The following TMEM170A variants were observed in gnomAD, a reference collection of about 807,000 sequenced individuals.
TMEM170A encodes the protein transmembrane protein 170.
In TMEM170A, 18 loss-of-function variants were observed where a neutral mutation model predicts 12.8. The ratio of observed to expected loss-of-function variants is 1.41; its 90% confidence interval spans 0.97 to 2.09. TMEM170A has a LOEUF of 2.09. Ranked by LOEUF, TMEM170A falls within the 30% of genes most tolerant of loss-of-function variation. TMEM170A has a pLI of 0.00. For synonymous variants in TMEM170A, 107 were observed against 76.2 expected, an observed-to-expected ratio of 1.40 and a Z score of -2.11; for missense variants, 220 against 179.9, an observed-to-expected ratio of 1.22 and a Z score of -1.28.
intron 2 of TMEM170A, among the ~76,000 whole-genome samples, chr16:75,448,167 T>A (rs1485118751): frequency 6.6e-6 from 1 of 152,108 alleles, no homozygotes; most frequent in Non-Finnish European, 1.5e-5. Context: ...TCTATCACAC[T>A]CATAGTTCCC....
Position 75,447,262 on chromosome 16 carries a change from C to G in TMEM170A, c.*296G>C, listed in dbSNP as rs545842057. The stretch of plus-strand genomic sequence containing the variant: ...AAATTTCAGTGCAAAGGATGCCACC[C>G]CAGAGACACTGTTGACTTGGCTTGG... On this transcript the variant is annotated 3_prime_UTR_variant, in exon 3 of 3. Transcript: ENST00000561878. 1 of 209,290 alleles carries G rather than the reference C, an allele frequency of 4.8e-6. No homozygotes were observed. The highest frequency in any genetic ancestry group is 2.3e-5 in the African/African-American group (1 of 43,804). 13.0% of individuals were successfully genotyped at this position (209,290 alleles called of 1,614,324 possible). A position where few individuals can be genotyped will look rare whatever the true frequency, so the allele number is the denominator to read the frequency against.
chr16:75,450,724 G>T (rs773201707), intron 2 of TMEM170A, among the ~76,000 whole-genome samples: 1 of 151,998 alleles, frequency 6.6e-6, no homozygotes, highest in Non-Finnish European at 1.5e-5. Context: ...GTGTGATCAC[G>T]ACTCACTGCA....
At chr16:75,459,208 T>A (rs1470182862) in intron 1 of TMEM170A, among the ~76,000 whole-genome samples, 2 of 152,178 alleles carry the variant, frequency 1.3e-5, no homozygotes, top group Admixed American at 1.3e-4. Flanking sequence ...CAGACATATC[T>A]TTAAGATACA....
intron 1 of TMEM170A, among the ~76,000 whole-genome samples, chr16:75,454,611 G>A (rs1386321526): frequency 6.6e-6 from 1 of 152,008 alleles, no homozygotes; most frequent in African/African-American, 2.4e-5. Context: ...CTCCAGCCTG[G>A]GAGACAGAAT....
chr16:75,464,618 CAG>C lies in TMEM170A; in HGVS notation c.-20_-19del. On this transcript the variant is annotated 5_prime_UTR_variant, in exon 1 of 3. Coordinates refer to ENST00000561878, the MANE Select transcript of TMEM170A (RefSeq NM_145254.3). Reference sequence around the variant, plus strand: ...CGCTCCATCCCGTCGCCATTCACCACAGAGAAATGAGGGACGAGCGCCCGAAG... The same window carrying C: ...CGCTCCATCCCGTCGCCATTCACCACAGAAATGAGGGACGAGCGCCCGAAG... 1.3e-6 allele frequency: 2 copies of C among 1,573,564 alleles called. No individual in the cohort carries two copies. Among genetic ancestry groups the C allele is most frequent in the South Asian group, 1.1e-5 (1 of 87,134 alleles).
At position 75,445,167 on chromosome 16, in the gene TMEM170A, A is replaced by G. The variant is rs2079562414; in HGVS notation, c.*2391T>C. The G allele has an allele frequency of 6.6e-6, 1 of 152,192 alleles. No individual in the cohort carries two copies. The allele number at this position is 152,192 out of a possible 1,614,324, so 9.4% of individuals were successfully genotyped here. A position where few individuals can be genotyped will look rare whatever the true frequency, so the allele number is the denominator to read the frequency against. Reference sequence around the variant, plus strand: ...AAAATCACAGCTCTTTAAACAAAAAACTAGAATTTTTACAATTTGCCTGTG... The same window carrying G: ...AAAATCACAGCTCTTTAAACAAAAAGCTAGAATTTTTACAATTTGCCTGTG... On this transcript the variant is annotated 3_prime_UTR_variant, in exon 3 of 3. Transcript: ENST00000561878.
intron 1 of TMEM170A, among the ~76,000 whole-genome samples, chr16:75,462,032 G>T (rs1319705855): frequency 6.6e-6 from 1 of 152,138 alleles, no homozygotes; most frequent in Admixed American, 6.5e-5. Context: ...CCCTACATAT[G>T]ACGTTTAATT....
intron 1 of TMEM170A, among the ~76,000 whole-genome samples, chr16:75,457,125 G>A (rs574546324): frequency 5.1e-4 from 78 of 152,186 alleles, no homozygotes; most frequent in Non-Finnish European, 1.1e-3. Context: ...GATCAGCCCT[G>A]GGTCCCTGCT....
At chr16:75,457,029 C>T (rs1289538533) in intron 1 of TMEM170A, among the ~76,000 whole-genome samples, 1 of 152,230 alleles carries the variant, frequency 6.6e-6, no homozygotes, top group Admixed American at 6.5e-5. Flanking sequence ...ATTCACTGGT[C>T]CAAAGTGGAC....
Position 75,464,639 on chromosome 16 carries a change from C to T in TMEM170A, c.-39G>A, listed in dbSNP as rs570975426. ...ACCACAGAGAAATGAGGGACGAGCG[C>T]CCGAAGTGCGGTAGCGGCCGGCGCC... On this transcript the variant is annotated 5_prime_UTR_variant, in exon 1 of 3. Transcript: ENST00000561878. 1.1e-5 allele frequency: 17 copies of T among 1,552,944 alleles called. No homozygotes were observed. Among genetic ancestry groups the T allele is most frequent in the East Asian group, 7.9e-5 (3 of 37,752 alleles).
At chr16:75,453,146 G>A (rs764569654) in intron 1 of TMEM170A, among the ~76,000 whole-genome samples, 4 of 152,002 alleles carry the variant, frequency 2.6e-5, no homozygotes, top group African/African-American at 4.8e-5. Context: ...TAATGTCCCC[G>A]ACCATAACTG....
chr16:75,443,112 TAAG>T lies in TMEM170A; in HGVS notation c.*4443_*4445del, dbSNP rs2079529954. 1 of 152,080 alleles carries T rather than the reference TAAG, an allele frequency of 6.6e-6. No individual in the cohort carries two copies. The highest frequency in any genetic ancestry group is 2.1e-4 in the South Asian group (1 of 4,836). 9.4% of individuals were successfully genotyped at this position (152,080 alleles called of 1,614,324 possible). ...GAACAAGAATTTTATCATAAATTAG[TAAG>T]AAGTAGAACATAAAAAAAGTTACAC... is the stretch of plus-strand genomic sequence containing the variant. On this transcript the variant is annotated 3_prime_UTR_variant, in exon 3 of 3. Transcript: ENST00000561878.
chr16:75,448,719 G>A (rs1436711370), intron 2 of TMEM170A, among the ~76,000 whole-genome samples: 2 of 151,534 alleles, frequency 1.3e-5, no homozygotes, highest in East Asian at 1.9e-4. Flanking sequence ...AGCTCACATC[G>A]CGACACTGCA....
In TMEM170A at chr16:75,445,699, C is replaced by CT. The variant is rs80104828; in HGVS notation, c.*1858dup. On this transcript the variant is annotated 3_prime_UTR_variant, in exon 3 of 3. Coordinates refer to ENST00000561878, the MANE Select transcript of TMEM170A (RefSeq NM_145254.3). ...GCAAATTGGTCCTCCTGACTTTTTT[C>CT]TTTTTTTTTTTTTTCCAAATTGGGC... 0.017 allele frequency: 2,358 copies of CT among 140,398 alleles called. 22 individuals are homozygous for CT. Among genetic ancestry groups the CT allele is most frequent in the South Asian group, 0.024 (108 of 4,428 alleles). The allele number at this position is 140,398 out of a possible 1,614,324, so 8.7% of individuals were successfully genotyped here. A position where few individuals can be genotyped will look rare whatever the true frequency, so the allele number is the denominator to read the frequency against.
chr16:75,462,424 G>C (rs374300818), intron 1 of TMEM170A, among the ~76,000 whole-genome samples: 1 of 152,148 alleles, frequency 6.6e-6, no homozygotes, highest in Non-Finnish European at 1.5e-5. Context: ...GGCCAGGCTG[G>C]TCTTGAACTC....
chr16:75,447,751 A>C, intron 2 of TMEM170A, 63 bp from the exon 3 acceptor site: 1 of 1,519,008 alleles, frequency 6.6e-7, no homozygotes. Context: ...ACTCACGAAA[A>C]TACAACATTT....
intron 2 of TMEM170A, among the ~76,000 whole-genome samples, chr16:75,448,970 G>A (rs772289471): frequency 4.0e-5 from 6 of 151,530 alleles, no homozygotes; most frequent in Admixed American, 1.3e-4. Flanking sequence ...CTGAGGTAGG[G>A]GGATCACTTG....
intron 1 of TMEM170A, among the ~76,000 whole-genome samples, chr16:75,452,419 T>C (rs562620088): frequency 6.6e-6 from 1 of 151,864 alleles, no homozygotes; most frequent in South Asian, 2.1e-4. Flanking sequence ...AGATGTGTGC[T>C]ACCACGCCTG....
chr16:75,464,508 C>G lies in TMEM170A; in HGVS notation c.93G>C (p.Gly31=). 3 of 1,584,978 alleles carry G rather than the reference C, an allele frequency of 1.9e-6. No homozygotes were observed. The highest frequency in any genetic ancestry group is 2.6e-6 in the Non-Finnish European group (3 of 1,168,300). The change falls in exon 1 of 3, where the codon GGG becomes GGC. Residue 31 remains glycine, a synonymous_variant. Coordinates refer to ENST00000561878, the MANE Select transcript of TMEM170A (RefSeq NM_145254.3). ...SLKVVPRVGN[G]TLCPNSTSLC... ...GGGAAGTAGAGTTGGGGCACAGGGT[C>G]CCGTTGCCCACCCGCGGCACAACCT...
Sources: gnomAD v4.1 joint callset for allele counts (sites outside exome capture counted in the v4.1 genomes callset) on GRCh38, gnomAD v4.1.1 for gene constraint, MANE v1.5 for transcripts, NCBI Gene and HGNC (gene_info 2026-07-23, HGNC 2026-07-21) for gene names.